KCNN2: variants seen among roughly 807,000 people sequenced by gnomAD.
The protein encoded by KCNN2 is small conductance calcium-activated potassium channel protein 2.
In KCNN2, 24 loss-of-function variants were observed where a neutral mutation model predicts 55.5. That is an observed-to-expected ratio of 0.43 (90% CI 0.31 to 0.61). KCNN2 has a LOEUF of 0.61. Ranked by LOEUF, KCNN2 falls within the 20% of genes least tolerant of loss-of-function variation. KCNN2 has a pLI of 0.08. For missense variants in KCNN2, 754 were observed against 853.6 expected, an observed-to-expected ratio of 0.88 and a Z score of 1.45; for synonymous variants, 431 against 336.1, an observed-to-expected ratio of 1.28 and a Z score of -3.09.
chr5:114,280,498 C>A (rs1256000331), intron 2 of KCNN2, among the ~76,000 whole-genome samples: 4 of 152,102 alleles, frequency 2.6e-5, no homozygotes, highest in Non-Finnish European at 4.4e-5. Flanking sequence ...GGAAGGGATC[C>A]AGTTTCAGCT....
intron 1 of KCNN2, among the ~76,000 whole-genome samples, chr5:114,103,593 C>G (rs866300561): frequency 6.6e-6 from 1 of 151,980 alleles, no homozygotes; most frequent in African/African-American, 2.4e-5. Context: ...TTTTGAGGTA[C>G]ATTTTATCAA....
At chr5:114,171,766 T>A (rs1416321635) in intron 1 of KCNN2, among the ~76,000 whole-genome samples, 1 of 151,758 alleles carries the variant, frequency 6.6e-6, no homozygotes, top group Non-Finnish European at 1.5e-5. Flanking sequence ...CCCTGAGGGC[T>A]ACTCACTAAT....
intron 1 of KCNN2, among the ~76,000 whole-genome samples, chr5:114,193,128 G>A (rs115305913): frequency 6.6e-6 from 1 of 152,040 alleles, no homozygotes; most frequent in Non-Finnish European, 1.5e-5. Flanking sequence ...TGCATATCTT[G>A]TCTTTATCTA....
intron 2 of KCNN2, among the ~76,000 whole-genome samples, chr5:114,227,820 G>A (rs956554316): frequency 1.3e-5 from 2 of 152,072 alleles, no homozygotes; most frequent in African/African-American, 4.8e-5. Context: ...GCAGTGAAGA[G>A]TAAACATTAA....
At chr5:114,091,947 T>C (rs1000154602) in intron 1 of KCNN2, among the ~76,000 whole-genome samples, 1 of 152,210 alleles carries the variant, frequency 6.6e-6, no homozygotes, top group African/African-American at 2.4e-5. Context: ...AGCCTAACCA[T>C]ATCATTCTGC....
intron 2 of KCNN2, among the ~76,000 whole-genome samples, chr5:114,394,302 G>A (rs576040199): frequency 6.6e-6 from 1 of 151,986 alleles, no homozygotes; most frequent in Non-Finnish European, 1.5e-5. Flanking sequence ...ATGACCTAAG[G>A]CTTGTATCCT....
chr5:114,312,948 GA>G (rs1034714235), intron 2 of KCNN2, among the ~76,000 whole-genome samples: 5 of 152,190 alleles, frequency 3.3e-5, no homozygotes, highest in African/African-American at 1.2e-4. Context: ...TTTTAAGCTA[GA>G]AACACGTTTT....
chr5:114,357,563 T>C (rs1308798079), upstream of KCNN2, among the ~76,000 whole-genome samples: 35 of 126,830 alleles, frequency 2.8e-4, no homozygotes, highest in African/African-American at 9.1e-4. Context: ...GGTTTTTTGT[T>C]CTTGCGATAG....
At chr5:114,151,801 G>GA (rs1271657912) in intron 1 of KCNN2, among the ~76,000 whole-genome samples, 35 of 148,662 alleles carry the variant, frequency 2.4e-4, no homozygotes, top group East Asian at 1.4e-3. Context: ...GAACTGTCTA[G>GA]AAAAAAAAAA....
intron 1 of KCNN2, among the ~76,000 whole-genome samples, chr5:114,150,302 A>G (rs1049128291): frequency 1.4e-4 from 22 of 152,210 alleles, no homozygotes; most frequent in African/African-American, 5.3e-4. Context: ...AAACAGAGAT[A>G]TAGACCAATG....
In KCNN2 at chr5:114,187,583, G is replaced by A. The variant is rs538140394; in HGVS notation, c.-270-33897G>A. 4.2e-5 allele frequency among the ~76,000 whole-genome samples: 6 copies of A among 142,078 alleles called. No individual in the cohort carries two copies. The Admixed American group carries it at 4.5e-4, about 11-fold the overall frequency. The allele number at this position is 142,078 out of a possible 152,430, so 93.2% of individuals were successfully genotyped here. ...TGCAGTGGTGCAATCTCAGCTCACT[G>A]CAAGCTCCGCCTCCCGGGTTCAAGG... is the stretch of plus-strand genomic sequence containing the variant. On this transcript the variant is annotated intron_variant, in intron 1 of 10. Coordinates refer to the KCNN2 transcript ENST00000512097.
intron 1 of KCNN2, among the ~76,000 whole-genome samples, chr5:114,212,746 A>T (rs1426604963): frequency 6.6e-6 from 1 of 152,070 alleles, no homozygotes; most frequent in Non-Finnish European, 1.5e-5. Context: ...ATTTACCTTT[A>T]GTAGTAAGAC....
rs1420790464 is a variant in KCNN2 at position 114,123,445 on chromosome 5, C to G, written c.-271+66945C>G. On this transcript the variant is annotated intron_variant, in intron 1 of 10. Transcript: ENST00000512097. ...TGGCGCGATCTCGGCTCACTGCAAG[C>G]TCCGCCTCCCGGGTTCACGCCATTC... 4.6e-5 allele frequency among the ~76,000 whole-genome samples: 3 copies of G among 65,532 alleles called. No homozygotes were observed. In the East Asian group the frequency reaches 6.4e-4, roughly 14 times the overall value. 43.0% of individuals were successfully genotyped at this position (65,532 alleles called of 152,430 possible). A position where few individuals can be genotyped will look rare whatever the true frequency, so the allele number is the denominator to read the frequency against.
chr5:114,085,170 C>T (rs555580601), intron 1 of KCNN2, among the ~76,000 whole-genome samples: 8 of 151,886 alleles, frequency 5.3e-5, no homozygotes, highest in African/African-American at 1.2e-4. Flanking sequence ...CTTTCTTCTT[C>T]GTTTTAGCTA....
intron 5 of KCNN2, among the ~76,000 whole-genome samples, chr5:114,476,062 G>C (rs530274955): frequency 6.6e-6 from 1 of 151,232 alleles, no homozygotes; most frequent in Non-Finnish European, 1.5e-5. Context: ...TATACTTTAA[G>C]TTTTAGGGTA....
chr5:114,196,231 A>G (rs140323036), intron 1 of KCNN2, among the ~76,000 whole-genome samples: 4,532 of 152,006 alleles, frequency 0.03, 226 homozygotes, highest in African/African-American at 0.1. Context: ...GAAATGGTGT[A>G]TACTGGTTTT....
rs537379745 is a variant in KCNN2, at chr5:114,308,161, C to T, written c.-184-52784C>T. ...TCACAGCTGAGAACAATTGTGATGC[C>T]ACCACATGCTGGGGATTACCACCAC... On this transcript the variant is annotated intron_variant, in intron 2 of 10. Transcript: ENST00000512097. Among the ~76,000 whole-genome samples the T allele has an allele frequency of 2.0e-5, 3 of 152,236 alleles. No individual in the cohort carries two copies. In the East Asian group the frequency reaches 5.8e-4, roughly 29 times the overall value.
At chr5:114,280,541 C>T (rs1206284088) in intron 2 of KCNN2, among the ~76,000 whole-genome samples, 1 of 152,120 alleles carries the variant, frequency 6.6e-6, no homozygotes, top group Non-Finnish European at 1.5e-5. Flanking sequence ...TTCCCATCAC[C>T]ATTAATTAAA....
chr5:114,154,909 G>C (rs1003725094), intron 1 of KCNN2, among the ~76,000 whole-genome samples: 28 of 152,072 alleles, frequency 1.8e-4, no homozygotes, highest in African/African-American at 5.6e-4. Context: ...TTTTAAGTTA[G>C]TGGGTAGATG....
Sources: gnomAD v4.1 joint callset for allele counts (sites outside exome capture counted in the v4.1 genomes callset) on GRCh38, gnomAD v4.1.1 for gene constraint, MANE v1.5 for transcripts, NCBI Gene and HGNC (gene_info 2026-07-23, HGNC 2026-07-21) for gene names.